The following RGS3 variants were observed in gnomAD, a reference collection of about 807,000 sequenced individuals.
The protein encoded by RGS3 is regulator of G-protein signalling 3.
A neutral mutation model predicts 132.6 loss-of-function variants in RGS3; 80 were observed. The observed-to-expected ratio is 0.60, with a 90% CI of 0.50 to 0.73. The LOEUF is 0.73. RGS3 is among the 30% of genes least tolerant of loss of function. The pLI, the probability that RGS3 is intolerant of heterozygous loss-of-function variation, is 0.00. For synonymous variants in RGS3, 598 were observed against 620.6 expected, an observed-to-expected ratio of 0.96 and a Z score of 0.54; for missense variants, 1,382 against 1,530.8, an observed-to-expected ratio of 0.90 and a Z score of 1.62.
At chr9:113,576,417 C>T (rs1368545833) in intron 19 of RGS3, among the ~76,000 whole-genome samples, 21 of 150,862 alleles carry the variant, frequency 1.4e-4, no homozygotes, top group Admixed American at 9.2e-4. Flanking sequence ...CTGCAACCTC[C>T]GCCTCTGGGG....
chr9:113,586,523 C>G (rs1349847098), intron 20 of RGS3, among the ~76,000 whole-genome samples: 1 of 152,254 alleles, frequency 6.6e-6, no homozygotes, highest in Non-Finnish European at 1.5e-5. Flanking sequence ...GCACCCTCCC[C>G]TGTCCCACCA....
chr9:113,473,170 A>C (rs1324692922), intron 3 of RGS3, among the ~76,000 whole-genome samples: 1 of 152,224 alleles, frequency 6.6e-6, no homozygotes, highest in African/African-American at 2.4e-5. Flanking sequence ...TTTCTACCAC[A>C]TTCTATTTGT....
At position 113,591,458 on chromosome 9, in the gene RGS3, TCTC is replaced by T. The variant is rs769004944; in HGVS notation, c.3080+65_3080+67del. On this transcript the variant is annotated intron_variant, in intron 21 of 24. Coordinates refer to ENST00000350696, the Ensembl canonical transcript of RGS3. This position sits in a 1 kb window ranked among gnomAD's most constrained non-coding sequence, Gnocchi z 4.4. The stretch of plus-strand genomic sequence containing the variant: ...TTCCTCCCTTGCCCCAGGGCTTGTC[TCTC>T]CTCTAGGGGTCCAGGTGGGGAGAAG... 1 of 1,448,938 alleles carries T rather than the reference TCTC, an allele frequency of 6.9e-7. No homozygotes were observed. The highest frequency in any genetic ancestry group is 1.4e-5 in the African/African-American group (1 of 71,674). 89.8% of individuals were successfully genotyped at this position (1,448,938 alleles called of 1,614,324 possible).
chr9:113,445,533 G>GT (rs776467383), intron 1 of RGS3, among the ~76,000 whole-genome samples: 92 of 152,222 alleles, frequency 6.0e-4, no homozygotes, highest in Middle Eastern at 6.8e-3. Flanking sequence ...ACTTCCTAGT[G>GT]ACACCTGGCC....
chr9:113,504,893 C>G (rs1375050738), intron 10 of RGS3: 2 of 153,530 alleles, frequency 1.3e-5, no homozygotes, highest in African/African-American at 4.8e-5. Flanking sequence ...GATTGGCCCC[C>G]AGAACCTCAG....
intron 19 of RGS3, among the ~76,000 whole-genome samples, chr9:113,563,032 C>T (rs186452309): frequency 1.3e-5 from 2 of 152,304 alleles, no homozygotes; most frequent in East Asian, 1.9e-4. Flanking sequence ...AGTGGCTGCC[C>T]CAGGGCTCCT....
Position 113,463,963 on chromosome 9 carries a change from G to C in RGS3, c.415+1762G>C. 6.9e-7 allele frequency: 1 copy of C among 1,446,616 alleles called. No individual in the cohort carries two copies. The highest frequency in any genetic ancestry group is 9.5e-7 in the Non-Finnish European group (1 of 1,049,766). The allele number at this position is 1,446,616 out of a possible 1,614,324, so 89.6% of individuals were successfully genotyped here. On this transcript the variant is annotated intron_variant, in intron 3 of 24. Transcript: ENST00000350696. The surrounding 1 kb of genome is among the most constrained non-coding windows in gnomAD (Gnocchi z 4.6). The stretch of plus-strand genomic sequence containing the variant: ...GAAACGCAGCCCCTCGTGGTGACAG[G>C]GGAGGCTGGGAGCAGGTGCTCTTTC...
Position 113,506,559 on chromosome 9 carries a change from C to T in RGS3, c.1085+66C>T. ...GGCACACCCTCCCCACCCCTGGGCA[C>T]ACTGCCTTGCCTGGCCCAGCTCTTG... is the stretch of plus-strand genomic sequence containing the variant. On this transcript the variant is annotated intron_variant, in intron 12 of 24. Transcript: ENST00000350696. The surrounding 1 kb of genome is among the most constrained non-coding windows in gnomAD (Gnocchi z 4.7). 4 of 1,078,104 alleles carry T rather than the reference C, an allele frequency of 3.7e-6. No individual in the cohort carries two copies. In the South Asian group the frequency reaches 5.4e-5, roughly 15 times the overall value. The allele number at this position is 1,078,104 out of a possible 1,614,324, so 66.8% of individuals were successfully genotyped here.
intron 3 of RGS3, among the ~76,000 whole-genome samples, chr9:113,473,908 G>A (rs1005693361): frequency 1.3e-5 from 2 of 152,222 alleles, no homozygotes; most frequent in East Asian, 3.8e-4. Context: ...TGAGATGTGT[G>A]TGAATCCTGT....
intron 10 of RGS3, chr9:113,501,489 T>A: frequency 6.6e-7 from 1 of 1,515,522 alleles, no homozygotes; most frequent in Non-Finnish European, 8.8e-7. Flanking sequence ...AGGGTGCTCA[T>A]GCCAGGCTGA....
chr9:113,486,672 G>T (rs1347023815), intron 7 of RGS3, among the ~76,000 whole-genome samples: 1 of 152,226 alleles, frequency 6.6e-6, no homozygotes, highest in African/African-American at 2.4e-5. Context: ...TCACTGAATG[G>T]TGACTGAAAA....
intron 17 of RGS3, 75 bp from the exon 16 acceptor site, chr9:113,529,146 C>A: frequency 1.8e-6 from 2 of 1,141,738 alleles, no homozygotes; most frequent in Non-Finnish European, 2.7e-6. Flanking sequence ...GGCAAGACAG[C>A]TGACTGTGCT....
At chr9:113,491,670 T>C (rs1445877125) in intron 7 of RGS3, among the ~76,000 whole-genome samples, 1 of 151,842 alleles carries the variant, frequency 6.6e-6, no homozygotes, top group Non-Finnish European at 1.5e-5. Flanking sequence ...TTCTTCTGCC[T>C]CAGCCTTCCA....
chr9:113,496,261 C>T (rs1280049539), intron 8 of RGS3, among the ~76,000 whole-genome samples: 23 of 152,254 alleles, frequency 1.5e-4, no homozygotes, highest in African/African-American at 5.3e-4. Context: ...AACAGGTGCT[C>T]AAGGATGGAG....
intron 21 of RGS3, chr9:113,594,171 C>T: frequency 2.5e-6 from 4 of 1,613,098 alleles, no homozygotes; most frequent in Non-Finnish European, 3.4e-6. Flanking sequence ...TGGCTGCAGC[C>T]TGCACCGTTG....
chr9:113,495,822 G>A, exon 8 of RGS3: 1 of 1,614,196 alleles, frequency 6.2e-7, no homozygotes, highest in Non-Finnish European at 8.5e-7. Context: ...GCTTTGGGGT[G>A]AAGTCTCTCC....
chr9:113,536,301 G>A (rs1326915715), intron 18 of RGS3, among the ~76,000 whole-genome samples: 2 of 152,202 alleles, frequency 1.3e-5, no homozygotes, highest in East Asian at 3.9e-4. Flanking sequence ...TTTGGGTTCT[G>A]TTGGTATGCC....
chr9:113,461,329 G>A (rs933824352), intron 1 of RGS3, among the ~76,000 whole-genome samples: 6 of 152,124 alleles, frequency 3.9e-5, no homozygotes. Flanking sequence ...GGGAAAGCAG[G>A]GCCATGATCA....
chr9:113,463,728 GAGACT>G lies in RGS3; in HGVS notation c.415+1528_415+1532del, dbSNP rs1365392059. Reference sequence around the variant, plus strand: ...TCCCGCTCGCGCTCCTCCCGCCCTGGAGACTCCGGTTACTGGGGAGCAACACAGCC... The same window carrying G: ...TCCCGCTCGCGCTCCTCCCGCCCTGGCCGGTTACTGGGGAGCAACACAGCC... On this transcript the variant is annotated intron_variant, in intron 3 of 24. Coordinates refer to ENST00000350696, the Ensembl canonical transcript of RGS3. This position sits in a 1 kb window ranked among gnomAD's most constrained non-coding sequence, Gnocchi z 4.6. 1 of 1,509,628 alleles carries G rather than the reference GAGACT, an allele frequency of 6.6e-7. No homozygotes were observed. The highest frequency in any genetic ancestry group is 1.4e-5 in the African/African-American group (1 of 71,556). 93.5% of individuals were successfully genotyped at this position (1,509,628 alleles called of 1,614,324 possible).
Sources: allele counts gnomAD v4.1 joint callset (sites outside exome capture counted in the v4.1 genomes callset), GRCh38; gene constraint gnomAD v4.1.1; non-coding constraint Gnocchi (gnomAD v3.1); transcripts MANE v1.5; gene names NCBI Gene and HGNC (gene_info 2026-07-23, HGNC 2026-07-21).